CLNK: variants seen among roughly 807,000 people sequenced by gnomAD.
CLNK encodes the protein cytokine-dependent hematopoietic cell linker.
CLNK carries 74 observed loss-of-function variants against 68.6 expected under a neutral mutation model. That is an observed-to-expected ratio of 1.08 (90% CI 0.89 to 1.31). The LOEUF (loss-of-function observed/expected upper bound fraction) is 1.31. Among genes scored for constraint, CLNK ranks in the 50% most tolerant of loss-of-function variants. CLNK has a pLI of 0.00. For synonymous variants in CLNK, 198 were observed against 172.2 expected (o/e 1.15, Z -1.17); for missense variants, 553 against 515.3 (o/e 1.07, Z -0.71).
chr4:10,711,243 C>G, the CLNK span, among the ~76,000 whole-genome samples: 2 of 152,284 alleles, frequency 1.3e-5, no homozygotes, highest in African/African-American at 4.8e-5. Context: ...GAATTAGGAA[C>G]AGGGAGACCT....
the CLNK span, among the ~76,000 whole-genome samples, chr4:10,710,546 G>T: frequency 4.6e-5 from 7 of 152,146 alleles, no homozygotes; most frequent in Admixed American, 1.3e-4. Flanking sequence ...TTAAAAGCAT[G>T]AACTCATTTC....
chr4:10,506,320 G>C (rs1256943384), intron 17 of CLNK, among the ~76,000 whole-genome samples: 2 of 152,178 alleles, frequency 1.3e-5, no homozygotes, highest in Non-Finnish European at 2.9e-5. Flanking sequence ...TTACTTCTGA[G>C]AGGATGTATT....
rs535826081 is a variant in CLNK, at chr4:10,515,561, T to C, written c.773-1964A>G. Among the ~76,000 whole-genome samples the C allele has an allele frequency of 3.9e-5, 6 of 152,322 alleles. No homozygotes were observed. The South Asian group carries it at 1.0e-3, about 26-fold the overall frequency. ...TTCCGACTTGGATATTTGACAGATA[T>C]GTTACTAAAAATGAACAAAGTGAGC... On this transcript the variant is annotated intron_variant, in intron 15 of 18. Transcript: ENST00000226951.
intron 3 of CLNK, among the ~76,000 whole-genome samples, chr4:10,593,776 T>C (rs1721279128): frequency 6.6e-6 from 1 of 152,238 alleles, no homozygotes; most frequent in South Asian, 2.1e-4. Context: ...CCCCTGGATC[T>C]AACTATTGCT....
chr4:10,533,311 G>A (rs1469389008), intron 11 of CLNK, among the ~76,000 whole-genome samples: 4 of 152,182 alleles, frequency 2.6e-5, no homozygotes, highest in Non-Finnish European at 5.9e-5. Flanking sequence ...AGTGTGCATC[G>A]TTGTCAGAAT....
At chr4:10,554,617 A>C (rs764922050) in intron 8 of CLNK, among the ~76,000 whole-genome samples, 1 of 152,216 alleles carries the variant, frequency 6.6e-6, no homozygotes, top group Non-Finnish European at 1.5e-5. Flanking sequence ...ACTTTGAATG[A>C]GCATTATATC....
intron 7 of CLNK, among the ~76,000 whole-genome samples, chr4:10,564,253 A>G (rs1297445718): frequency 6.6e-6 from 1 of 152,172 alleles, no homozygotes; most frequent in Non-Finnish European, 1.5e-5. Flanking sequence ...TAAAGTTACT[A>G]GGAGGCTTAG....
At chr4:10,648,032 T>C (rs997050092) in intron 2 of CLNK, among the ~76,000 whole-genome samples, 1 of 152,192 alleles carries the variant, frequency 6.6e-6, no homozygotes, top group Admixed American at 6.5e-5. Context: ...ATTCACCTTC[T>C]ACATAGGCTG....
the CLNK span, among the ~76,000 whole-genome samples, chr4:10,704,669 G>A: frequency 1.3e-5 from 2 of 152,152 alleles, no homozygotes; most frequent in African/African-American, 4.8e-5. Context: ...AAAGCAGCTG[G>A]TGTTGATAGA....
At chr4:10,644,832 G>T (rs1723449192) in intron 2 of CLNK, among the ~76,000 whole-genome samples, 1 of 152,160 alleles carries the variant, frequency 6.6e-6, no homozygotes, top group African/African-American at 2.4e-5. Context: ...TTCCTGCCCT[G>T]CACTCTGAAC....
At chr4:10,647,954 TACAACTAATTGTGTCA>T (rs1723577359) in intron 2 of CLNK, among the ~76,000 whole-genome samples, 1 of 152,288 alleles carries the variant, frequency 6.6e-6, no homozygotes, top group Non-Finnish European at 1.5e-5. Flanking sequence ...CTCATTCCAC[TACAACTAATTGTGTCA>T]AATCCACTGA....
intron 2 of CLNK, among the ~76,000 whole-genome samples, chr4:10,628,262 A>T (rs1485590799): frequency 4.7e-5 from 7 of 148,368 alleles, no homozygotes; most frequent in African/African-American, 1.7e-4. Context: ...CCTCACACAA[A>T]CTCCCTCACT....
intron 2 of CLNK, among the ~76,000 whole-genome samples, chr4:10,652,810 T>C (rs1723804841): frequency 6.6e-6 from 1 of 152,234 alleles, no homozygotes; most frequent in African/African-American, 2.4e-5. Flanking sequence ...ATTATGGTGG[T>C]ATCTACCTTC....
At chr4:10,699,492 C>CTATATA in the CLNK span, among the ~76,000 whole-genome samples, 1 of 59,552 alleles carries the variant, frequency 1.7e-5, no homozygotes, top group Non-Finnish European at 3.0e-5. Flanking sequence ...CTCTCTCTCT[C>CTATATA]TCTATATATA....
At chr4:10,595,086 A>AAAACC (rs756916705) in intron 3 of CLNK, among the ~76,000 whole-genome samples, 16 of 152,298 alleles carry the variant, frequency 1.1e-4, no homozygotes, top group East Asian at 9.6e-4. Flanking sequence ...CGTCTCAAAA[A>AAAACC]AAACCAAACC....
At chr4:10,507,902 A>C in intron 17 of CLNK, 57 bp downstream of exon 17, 2 of 1,281,566 alleles carry the variant, frequency 1.6e-6, no homozygotes, top group South Asian at 2.6e-5. Context: ...ACACATAAGC[A>C]GAGAACCTTA....
chr4:10,561,600 G>T (rs187206912), intron 7 of CLNK, among the ~76,000 whole-genome samples: 1 of 152,080 alleles, frequency 6.6e-6, no homozygotes, highest in Non-Finnish European at 1.5e-5. Flanking sequence ...CTTTATAACC[G>T]GACCAGAACT....
the CLNK span, among the ~76,000 whole-genome samples, chr4:10,727,290 C>A: frequency 1.3e-5 from 2 of 152,156 alleles, no homozygotes; most frequent in Admixed American, 6.5e-5. Context: ...GCACAGTTTG[C>A]AGGTGGGGCT....
chr4:10,575,650 G>A lies in CLNK; in HGVS notation c.113-3872C>T, dbSNP rs183704424. 7.9e-5 allele frequency among the ~76,000 whole-genome samples: 12 copies of A among 152,360 alleles called. No individual in the cohort carries two copies. In the East Asian group the frequency reaches 1.9e-3, roughly 25 times the overall value. On this transcript the variant is annotated intron_variant, in intron 4 of 18. Coordinates refer to ENST00000226951, the MANE Select transcript of CLNK (RefSeq NM_052964.4). ...GGCGTGGATCTCCCAGCCCTGGGGC[G>A]TTGGCTGTGATGGACTCTAGGTTGC...
Sources: allele counts gnomAD v4.1 joint callset (sites outside exome capture counted in the v4.1 genomes callset), GRCh38; gene constraint gnomAD v4.1.1; transcripts MANE v1.5; gene names NCBI Gene and HGNC (gene_info 2026-07-23, HGNC 2026-07-21).